Variants in CMIP observed in about 807,000 individuals in gnomAD.
The protein encoded by CMIP is C-Maf-inducing protein.
CMIP carries 13 observed loss-of-function variants against 97.3 expected under a neutral mutation model. That is an observed-to-expected ratio of 0.13 (90% CI 0.09 to 0.21). CMIP has a LOEUF of 0.21. Ranked by LOEUF, CMIP falls within the 10% of genes least tolerant of loss-of-function variation. The pLI is 1.00. For synonymous variants in CMIP, 538 were observed against 436.3 expected (o/e 1.23, Z -2.91); for missense variants, 847 against 1,024.9 (o/e 0.83, Z 2.37).
At chr16:81,551,054 CCA>C (rs2090646340) in intron 1 of CMIP, among the ~76,000 whole-genome samples, 1 of 148,516 alleles carries the variant, frequency 6.7e-6, no homozygotes. Flanking sequence ...CACACGCACC[CCA>C]GTCCCGTCAC....
rs190298854 is a variant in CMIP at position 81,565,651 on chromosome 16, C to T, written c.301-41916C>T. On this transcript the variant is annotated intron_variant, in intron 1 of 20. Coordinates refer to ENST00000537098, the MANE Select transcript of CMIP (RefSeq NM_198390.3). The stretch of plus-strand genomic sequence containing the variant: ...ACACATGGCAGCCTCCTGTGGTAAC[C>T]GTGGCATCCTCATGGCAGCGGGGCA... 1.3e-3 allele frequency among the ~76,000 whole-genome samples: 192 copies of T among 152,250 alleles called. 2 individuals are homozygous for T. The highest frequency in any genetic ancestry group is 4.1e-3 in the African/African-American group (172 of 41,550).
intron 1 of CMIP, among the ~76,000 whole-genome samples, chr16:81,508,554 A>G (rs1455980499): frequency 2.0e-5 from 3 of 152,234 alleles, no homozygotes; most frequent in African/African-American, 4.8e-5. Flanking sequence ...AAGCAATGCC[A>G]TGTGATTATC....
At chr16:81,476,622 T>G in intron 1 of CMIP, 1 of 414,576 alleles carries the variant, frequency 2.4e-6, no homozygotes, top group Non-Finnish European at 4.5e-6. Flanking sequence ...TGGGCCTTCT[T>G]GTGCAACTTG....
intron 1 of CMIP, among the ~76,000 whole-genome samples, chr16:81,553,469 G>T (rs1447077685): frequency 8.5e-5 from 13 of 152,188 alleles, no homozygotes; most frequent in Non-Finnish European, 1.6e-4. Context: ...AAGGGTGATT[G>T]TTTCAGAGTC....
intron 1 of CMIP, among the ~76,000 whole-genome samples, chr16:81,585,792 A>G (rs1407675377): frequency 6.6e-6 from 1 of 152,150 alleles, no homozygotes; most frequent in Non-Finnish European, 1.5e-5. Flanking sequence ...ATGCCCTTCC[A>G]TGTCCCTGGC....
At chr16:81,634,807 G>A (rs2092213763) in intron 3 of CMIP, among the ~76,000 whole-genome samples, 1 of 152,206 alleles carries the variant, frequency 6.6e-6, no homozygotes, top group Non-Finnish European at 1.5e-5. Context: ...CAGCTGGGAA[G>A]GATGGAGGCT....
intron 1 of CMIP, among the ~76,000 whole-genome samples, chr16:81,547,080 G>C (rs1209633808): frequency 6.6e-6 from 1 of 152,206 alleles, no homozygotes; most frequent in African/African-American, 2.4e-5. Context: ...TGGGCACACA[G>C]ATGTGGGATG....
chr16:81,445,376 G>T lies in CMIP; in HGVS notation c.135G>T (p.Leu45=). 1.2e-6 allele frequency: 2 copies of T among 1,605,698 alleles called. No homozygotes were observed. Among genetic ancestry groups the T allele is most frequent in the Non-Finnish European group, 1.7e-6 (2 of 1,176,414 alleles). The part of the protein sequence containing the change: ...MGAVPCRRAL[L]LCNGMRYKLL... ...CCGTGCCCTGCCGCCGGGCTCTTCT[G>T]CTTTGCAACGGGATGAGGTACAAAC... Residue 45 remains leucine (L), a synonymous_variant, in exon 1 of 21, where the codon CTG becomes CTT. Coordinates refer to ENST00000537098, the MANE Select transcript of CMIP (RefSeq NM_198390.3).
chr16:81,665,842 A>C (rs1314568709), intron 7 of CMIP: 1 of 151,998 alleles, frequency 6.6e-6, no homozygotes, highest in East Asian at 1.9e-4. Context: ...AGCCAGAGAC[A>C]GCATCACACT....
intron 1 of CMIP, among the ~76,000 whole-genome samples, chr16:81,567,809 CTTG>C (rs2091009545): frequency 6.6e-6 from 1 of 152,196 alleles, no homozygotes; most frequent in Non-Finnish European, 1.5e-5. Flanking sequence ...CGCAGAGATT[CTTG>C]TTTATTCTGT....
chr16:81,569,526 C>T (rs891112698), intron 1 of CMIP, among the ~76,000 whole-genome samples: 1 of 152,234 alleles, frequency 6.6e-6, no homozygotes, highest in South Asian at 2.1e-4. Flanking sequence ...CTGCCGAGAC[C>T]TGCAGGAACT....
At chr16:81,551,014 C>A (rs2090644678) in intron 1 of CMIP, among the ~76,000 whole-genome samples, 1 of 148,784 alleles carries the variant, frequency 6.7e-6, no homozygotes, top group South Asian at 2.2e-4. Context: ...TCACACGCAC[C>A]CCAGTTCATC....
chr16:81,518,876 G>T (rs1426121597), intron 1 of CMIP: 1 of 130,490 alleles, frequency 7.7e-6, no homozygotes, highest in Non-Finnish European at 1.5e-5. Context: ...TCACTCTGTT[G>T]CCCAGGCTGG....
At chr16:81,567,494 G>A (rs62043779) in intron 1 of CMIP, among the ~76,000 whole-genome samples, 29,777 of 152,188 alleles carry the variant, frequency 0.2, 3,036 homozygotes, top group Non-Finnish European at 0.21. Flanking sequence ...CTCACTTTGG[G>A]AATTCCCTTG....
intron 5 of CMIP, among the ~76,000 whole-genome samples, chr16:81,660,482 C>T (rs1249008737): frequency 6.6e-6 from 1 of 152,066 alleles, no homozygotes; most frequent in Non-Finnish European, 1.5e-5. Flanking sequence ...CCTATGTTGG[C>T]CAGGCTGGTC....
chr16:81,538,475 T>C (rs990428308), intron 1 of CMIP, among the ~76,000 whole-genome samples: 2 of 152,238 alleles, frequency 1.3e-5, no homozygotes, highest in African/African-American at 2.4e-5. Context: ...GGGGATTTGT[T>C]TGGGGCCAGC....
At position 81,655,288 on chromosome 16, in the gene CMIP, G is replaced by C. The variant is rs1319215707; in HGVS notation, c.640-2487G>C. Among the ~76,000 whole-genome samples, 4 of 152,174 alleles carry C rather than the reference G, an allele frequency of 2.6e-5. No individual in the cohort carries two copies. The highest frequency in any genetic ancestry group is 5.9e-5 in the Non-Finnish European group (4 of 68,024). On this transcript the variant is annotated intron_variant, in intron 4 of 20. Coordinates refer to ENST00000537098, the MANE Select transcript of CMIP (RefSeq NM_198390.3). The surrounding 1 kb of genome is among the most constrained non-coding windows in gnomAD (Gnocchi z 4.9). Reference sequence around the variant, plus strand: ...CAAGGCCTCCTCTGGAGAGGTTCCAGGCATCACCAGACCAACCAGAAGGTG... The same window carrying C: ...CAAGGCCTCCTCTGGAGAGGTTCCACGCATCACCAGACCAACCAGAAGGTG...
chr16:81,450,297 T>C (rs1906128617), intron 1 of CMIP, among the ~76,000 whole-genome samples: 1 of 152,176 alleles, frequency 6.6e-6, no homozygotes, highest in African/African-American at 2.4e-5. Context: ...CAGCCTGATA[T>C]GGGGCATCTC....
intron 1 of CMIP, among the ~76,000 whole-genome samples, chr16:81,527,838 C>T (rs1168452071): frequency 6.6e-6 from 1 of 152,244 alleles, no homozygotes; most frequent in Admixed American, 6.5e-5. Flanking sequence ...TGACGGTGGG[C>T]ATTCACGTTG....
Sources: allele counts gnomAD v4.1 joint callset (sites outside exome capture counted in the v4.1 genomes callset), GRCh38; gene constraint gnomAD v4.1.1; non-coding constraint Gnocchi (gnomAD v3.1); transcripts MANE v1.5; gene names NCBI Gene and HGNC (gene_info 2026-07-23, HGNC 2026-07-21).